ABCB1: variants seen among roughly 807,000 people sequenced by gnomAD.
The protein encoded by ABCB1 is ATP binding cassette subfamily B member 1, also known as ATP-dependent translocase ABCB1.
In ABCB1, 69 loss-of-function variants were observed where a neutral mutation model predicts 142.0. The observed-to-expected ratio is 0.49, with a 90% CI of 0.40 to 0.59. The LOEUF is 0.59. Among genes scored for constraint, ABCB1 ranks in the 20% least tolerant of loss-of-function variants. The pLI is 0.00. For synonymous variants in ABCB1, 532 were observed against 539.2 expected (o/e 0.99, Z 0.18); for missense variants, 1,326 against 1,554.7 (o/e 0.85, Z 2.47).
chr7:87,567,532 T>A (rs891418698), intron 5 of ABCB1, among the ~76,000 whole-genome samples: 2 of 152,206 alleles, frequency 1.3e-5, no homozygotes, highest in Non-Finnish European at 2.9e-5. Flanking sequence ...AAATAATCCC[T>A]TGGCCTTTTG....
rs71524692 is a variant in ABCB1, at chr7:87,638,345, T to TTGTGTGTGTGTGTGTGTG, written c.-330-37285_-330-37268dup. Among the ~76,000 whole-genome samples the TTGTGTGTGTGTGTGTGTG allele has an allele frequency of 2.1e-4, 30 of 144,788 alleles. No homozygotes were observed. In the East Asian group the frequency reaches 3.7e-3, roughly 18 times the overall value. The allele number at this position is 144,788 out of a possible 152,430, so 95.0% of individuals were successfully genotyped here. A position where few individuals can be genotyped will look rare whatever the true frequency, so the allele number is the denominator to read the frequency against. ...ATAAAACAAGTTAGGAAGTATGTGT[T>TTGTGTGTGTGTGTGTGTG]TGTGTGTGTGTGTGTGTGTGTGTGT... On this transcript the variant is annotated intron_variant, in intron 1 of 28. Coordinates refer to the ABCB1 transcript ENST00000265724.
chr7:87,697,976 C>A (rs1420669883), intron 1 of ABCB1, among the ~76,000 whole-genome samples: 1 of 151,956 alleles, frequency 6.6e-6, no homozygotes, highest in Non-Finnish European at 1.5e-5. Flanking sequence ...TATATTGAGG[C>A]ATTATATCAG....
intron 1 of ABCB1, among the ~76,000 whole-genome samples, chr7:87,618,392 A>G (rs1298311362): frequency 6.6e-6 from 1 of 152,198 alleles, no homozygotes; most frequent in Non-Finnish European, 1.5e-5. Context: ...TATTGAATAA[A>G]TAAATACAAC....
intron 1 of ABCB1, among the ~76,000 whole-genome samples, chr7:87,703,914 G>GTTTTTTTTTT (rs35797972): frequency 3.7e-3 from 157 of 42,986 alleles, no homozygotes; most frequent in East Asian, 6.6e-3. Flanking sequence ...TTTTTTTTTG[G>GTTTTTTTTTT]TTTTTTTTTT....
At chr7:87,684,528 C>T (rs1022807306) in intron 1 of ABCB1, among the ~76,000 whole-genome samples, 4 of 151,884 alleles carry the variant, frequency 2.6e-5, no homozygotes, top group African/African-American at 9.7e-5. Context: ...GCAGGCGGAT[C>T]ATGAGGTCAA....
chr7:87,710,513 A>T (rs1322497988), intron 1 of ABCB1: 2 of 969,648 alleles, frequency 2.1e-6, no homozygotes, highest in Non-Finnish European at 3.1e-6. Context: ...TTGATGGCAC[A>T]GTGGCAAAAT....
At chr7:87,534,666 C>T (rs1816201411) in intron 20 of ABCB1, among the ~76,000 whole-genome samples, 1 of 152,062 alleles carries the variant, frequency 6.6e-6, no homozygotes, top group South Asian at 2.1e-4. Context: ...GTAATCTCAA[C>T]ACTTTGGGAG....
At chr7:87,636,846 G>A (rs1821825891) in intron 1 of ABCB1, among the ~76,000 whole-genome samples, 1 of 152,138 alleles carries the variant, frequency 6.6e-6, no homozygotes, top group African/African-American at 2.4e-5. Context: ...ACCTGAGACT[G>A]GGTAATTTAT....
At chr7:87,650,596 A>G (rs757246528) in intron 1 of ABCB1, among the ~76,000 whole-genome samples, 1 of 152,186 alleles carries the variant, frequency 6.6e-6, no homozygotes, top group Non-Finnish European at 1.5e-5. Flanking sequence ...TTTTGGGAGT[A>G]CACAAACATT....
At chr7:87,604,414 A>C (rs1440314393), upstream of ABCB1, among the ~76,000 whole-genome samples, 1 of 151,640 alleles carries the variant, frequency 6.6e-6, no homozygotes, top group Non-Finnish European at 1.5e-5. Flanking sequence ...ACTTGTGTTA[A>C]CAATAATAAC....
intron 7 of ABCB1, among the ~76,000 whole-genome samples, chr7:87,563,168 A>G (rs1235698427): frequency 6.6e-6 from 1 of 152,172 alleles, no homozygotes; most frequent in Non-Finnish European, 1.5e-5. Context: ...AGGCAGTAAT[A>G]ATAGCTTACC....
rs1180097050 is a variant in ABCB1, at chr7:87,640,836, GT to G, written c.-330-39759del. Among the ~76,000 whole-genome samples the G allele has an allele frequency of 3.3e-5, 5 of 152,192 alleles. No homozygotes were observed. The East Asian group carries it at 9.7e-4, about 29-fold the overall frequency. On this transcript the variant is annotated intron_variant, in intron 1 of 28. Transcript: ENST00000265724. ...TTCTACTGTTTAATCCATTGAATGAGTTTTTAATTTCAGGTAGTTCCAGAAT... is the reference window on the plus strand; with the variant it reads ...TTCTACTGTTTAATCCATTGAATGAGTTTTAATTTCAGGTAGTTCCAGAAT...
chr7:87,508,446 T>C (rs549991990), intron 26 of ABCB1, among the ~76,000 whole-genome samples: 2 of 152,358 alleles, frequency 1.3e-5, no homozygotes, highest in East Asian at 3.9e-4. Context: ...CCAAGTATTT[T>C]GGACAAGGAA....
At chr7:87,661,516 C>T (rs569558679) in intron 1 of ABCB1, among the ~76,000 whole-genome samples, 9 of 151,680 alleles carry the variant, frequency 5.9e-5, no homozygotes, top group African/African-American at 7.2e-5. Context: ...TGAAAATGAG[C>T]GAAGTTTGTC....
chr7:87,687,469 A>G (rs183723335), intron 1 of ABCB1, among the ~76,000 whole-genome samples: 137 of 152,252 alleles, frequency 9.0e-4, no homozygotes, highest in African/African-American at 3.2e-3. Flanking sequence ...AACTTCTAGC[A>G]TATTATTTTA....
At chr7:87,508,903 T>C (rs933875432) in intron 26 of ABCB1, among the ~76,000 whole-genome samples, 7 of 152,152 alleles carry the variant, frequency 4.6e-5, no homozygotes, top group Non-Finnish European at 8.8e-5. Context: ...ACCCAGACTC[T>C]GTACTTGGAC....
intron 21 of ABCB1, among the ~76,000 whole-genome samples, chr7:87,525,943 A>G (rs1202686445): frequency 1.3e-5 from 2 of 152,184 alleles, no homozygotes; most frequent in East Asian, 3.9e-4. Context: ...CCATGTCATA[A>G]AAGAAGTTAA....
chr7:87,605,735 G>A (rs1158088981), upstream of ABCB1, among the ~76,000 whole-genome samples: 1 of 152,122 alleles, frequency 6.6e-6, no homozygotes, highest in Non-Finnish European at 1.5e-5. Flanking sequence ...CAAAAACCTT[G>A]ATTTCTGTGT....
chr7:87,629,705 A>T (rs1821004878), intron 1 of ABCB1, among the ~76,000 whole-genome samples: 1 of 152,084 alleles, frequency 6.6e-6, no homozygotes, highest in Non-Finnish European at 1.5e-5. Context: ...AGGCGGGCGG[A>T]TCACGAGGTC....
Sources: gnomAD v4.1 joint callset for allele counts (sites outside exome capture counted in the v4.1 genomes callset) on GRCh38, gnomAD v4.1.1 for gene constraint, MANE v1.5 for transcripts, NCBI Gene and HGNC (gene_info 2026-07-23, HGNC 2026-07-21) for gene names.